Variants in SMYD4 observed in about 807,000 individuals in gnomAD.
SMYD4 encodes SET and MYND domain containing 4.
A neutral mutation model predicts 72.8 loss-of-function variants in SMYD4; 68 were observed. That is an observed-to-expected ratio of 0.93 (90% confidence interval 0.77 to 1.14). The LOEUF (loss-of-function observed/expected upper bound fraction) is 1.14, where lower values mean the gene tolerates loss of function less well. Among genes scored for constraint, SMYD4 ranks in the 50% most tolerant of loss-of-function variants. The pLI is 0.00. For missense variants in SMYD4, 984 were observed against 1,003.7 expected, an observed-to-expected ratio of 0.98 and a Z score of 0.27; for synonymous variants, 407 against 388.6, an observed-to-expected ratio of 1.05 and a Z score of -0.56.
At chr17:1,784,961 T>A (rs1216133046) in intron 7 of SMYD4, among the ~76,000 whole-genome samples, 25 of 150,708 alleles carry the variant, frequency 1.7e-4, no homozygotes, top group Non-Finnish European at 2.5e-4. Flanking sequence ...TATTTATTTT[T>A]TTTTTTTAGT....
chr17:1,787,674 A>C, intron 5 of SMYD4, 70 bp from the exon 6 acceptor site: 1 of 1,460,010 alleles, frequency 6.8e-7, no homozygotes, highest in East Asian at 2.5e-5. Context: ...TCTGTTCCTC[A>C]GAAGATGAGC....
chr17:1,828,779 T>C (rs956925072), intron 1 of SMYD4, among the ~76,000 whole-genome samples: 4 of 152,018 alleles, frequency 2.6e-5, no homozygotes, highest in Non-Finnish European at 5.9e-5. Flanking sequence ...GTATTTTTAG[T>C]AGAGACGGGG....
intron 2 of SMYD4, among the ~76,000 whole-genome samples, chr17:1,821,012 G>A (rs1274879540): frequency 6.6e-6 from 1 of 152,122 alleles, no homozygotes; most frequent in South Asian, 2.1e-4. Context: ...GAATTAGTGA[G>A]AGACATACAG....
At chr17:1,803,869 A>T (rs1352673560) in intron 4 of SMYD4, among the ~76,000 whole-genome samples, 1 of 147,730 alleles carries the variant, frequency 6.8e-6, no homozygotes, top group Non-Finnish European at 1.5e-5. Flanking sequence ...ACTCAGGAGA[A>T]AGGGCGAGTT....
intron 3 of SMYD4, among the ~76,000 whole-genome samples, chr17:1,804,925 A>G (rs751872673): frequency 3.9e-5 from 6 of 152,208 alleles, no homozygotes; most frequent in Admixed American, 2.6e-4. Flanking sequence ...TTTGTCAGAT[A>G]CAGCTTCAAC....
intron 7 of SMYD4, among the ~76,000 whole-genome samples, chr17:1,785,409 T>C (rs1294742988): frequency 8.3e-6 from 1 of 120,786 alleles, no homozygotes; most frequent in Non-Finnish European, 1.6e-5. Context: ...CTGGGTGACA[T>C]GAGAGAGACT....
rs140437796 is a variant in SMYD4, at chr17:1,814,427, G to C, written c.135-2312C>G. On this transcript the variant is annotated intron_variant, in intron 2 of 10. Transcript: ENST00000305513. ...CATTGTGACTCAGTATAATGCTTTT[G>C]TGTTTGAATCTATTAACATTTTATA... 8 of 152,332 alleles carry C rather than the reference G, an allele frequency of 5.3e-5. No individual in the cohort carries two copies. The East Asian group carries it at 1.3e-3, about 26-fold the overall frequency. The allele number at this position is 152,332 out of a possible 1,614,324, so 9.4% of individuals were successfully genotyped here.
intron 2 of SMYD4, among the ~76,000 whole-genome samples, chr17:1,815,534 A>G (rs1337254694): frequency 6.9e-6 from 1 of 145,032 alleles, no homozygotes; most frequent in Non-Finnish European, 1.5e-5. Flanking sequence ...GTCTTCTGGA[A>G]TATTATGATA....
chr17:1,782,235 C>T (rs1021572143), intron 10 of SMYD4: 2 of 152,196 alleles, frequency 1.3e-5, no homozygotes, highest in African/African-American at 4.8e-5. Context: ...GACCCTGACA[C>T]TATTGACACT....
At chr17:1,802,343 A>G (rs746261055) in intron 4 of SMYD4, among the ~76,000 whole-genome samples, 3 of 151,944 alleles carry the variant, frequency 2.0e-5, no homozygotes, top group African/African-American at 7.3e-5. Context: ...AAAATTAAAC[A>G]ATTAGCCAGG....
At chr17:1,822,969 C>A (rs887881804) in intron 2 of SMYD4, among the ~76,000 whole-genome samples, 1 of 152,110 alleles carries the variant, frequency 6.6e-6, no homozygotes, top group African/African-American at 2.4e-5. Context: ...TGGACATACC[C>A]TTTATTTGGA....
rs770061943 is a variant in SMYD4, at chr17:1,800,953, T to C, written c.441A>G (p.Leu147=). 1.2e-6 allele frequency: 2 copies of C among 1,614,196 alleles called. No homozygotes were observed. The highest frequency in any genetic ancestry group is 3.3e-5 in the Admixed American group (2 of 60,022). Residue 147 remains leucine, a synonymous_variant, in exon 5 of 11, where the codon TTA becomes TTG. Transcript: ENST00000305513. ...YPERLQPKIM[L]RKAECLVALG... ...GGGCCACCAGACATTCTGCTTTACG[T>C]AACATAATCTTGGGTTGCAACCTTT...
At chr17:1,789,511 C>A (rs1489318865) in intron 5 of SMYD4, among the ~76,000 whole-genome samples, 2 of 152,096 alleles carry the variant, frequency 1.3e-5, no homozygotes, top group Admixed American at 1.3e-4. Context: ...CGCCTGTAAT[C>A]CCAGCACTTT....
Position 1,809,668 on chromosome 17 carries a change from C to A in SMYD4, c.279+2303G>T, listed in dbSNP as rs887303307. Among the ~76,000 whole-genome samples the A allele has an allele frequency of 3.6e-5, 5 of 137,930 alleles. No homozygotes were observed. The Admixed American group carries it at 3.7e-4, about 10-fold the overall frequency. 90.5% of individuals were successfully genotyped at this position (137,930 alleles called of 152,430 possible). A position where few individuals can be genotyped will look rare whatever the true frequency, so the allele number is the denominator to read the frequency against. On this transcript the variant is annotated intron_variant, in intron 3 of 10. Transcript: ENST00000305513. ...GGGATTATAGGCGTGAGCCACCGCG[C>A]CCGGCCTATTATTATTGTTTTGAGA...
At chr17:1,787,856 AAT>A (rs762553569) in intron 5 of SMYD4, among the ~76,000 whole-genome samples, 8 of 152,202 alleles carry the variant, frequency 5.3e-5, no homozygotes, top group Non-Finnish European at 8.8e-5. Context: ...TACACCACGA[AAT>A]AGCCAAAGAT....
At chr17:1,814,405 T>C (rs929805783) in intron 2 of SMYD4, among the ~76,000 whole-genome samples, 4 of 152,256 alleles carry the variant, frequency 2.6e-5, no homozygotes, top group African/African-American at 9.6e-5. Context: ...CCTTTCACAT[T>C]GTGACTCAGT....
intron 3 of SMYD4, among the ~76,000 whole-genome samples, chr17:1,807,447 C>T (rs912651330): frequency 6.6e-6 from 1 of 151,958 alleles, no homozygotes; most frequent in Non-Finnish European, 1.5e-5. Flanking sequence ...CCGGCAACCC[C>T]GCACCAGGGT....
intron 5 of SMYD4, among the ~76,000 whole-genome samples, chr17:1,790,375 CATCT>C (rs1270890695): frequency 2.0e-5 from 3 of 152,126 alleles, no homozygotes; most frequent in African/African-American, 7.2e-5. Context: ...GTGCATTAAT[CATCT>C]ATTAGTAGAG....
chr17:1,823,156 G>T (rs1910975547), intron 2 of SMYD4, among the ~76,000 whole-genome samples: 1 of 150,736 alleles, frequency 6.6e-6, no homozygotes, highest in South Asian at 2.1e-4. Flanking sequence ...GGATCATGAG[G>T]TCAGGAGATC....
Sources: allele counts gnomAD v4.1 joint callset (sites outside exome capture counted in the v4.1 genomes callset), GRCh38; gene constraint gnomAD v4.1.1; transcripts MANE v1.5; gene names NCBI Gene and HGNC (gene_info 2026-07-23, HGNC 2026-07-21).